C1QTNF8: variants seen among roughly 807,000 people sequenced by gnomAD.
The protein encoded by C1QTNF8 is complement C1q tumor necrosis factor-related protein 8.
A neutral mutation model predicts 19.2 loss-of-function variants in C1QTNF8; 27 were observed. That is an observed-to-expected ratio of 1.41 (90% CI 1.04 to 1.94). C1QTNF8 has a LOEUF of 1.94. Among genes scored for constraint, C1QTNF8 ranks in the 30% most tolerant of loss-of-function variants. The probability of loss-of-function intolerance (pLI) is 0.00; values close to 1 mark genes in which losing one functional copy is unlikely to be tolerated. For synonymous variants in C1QTNF8, 208 were observed against 172.8 expected, an observed-to-expected ratio of 1.20 and a Z score of -1.60; for missense variants, 484 against 374.4, an observed-to-expected ratio of 1.29 and a Z score of -2.42.
chr16:1,094,516 A>G, intron 3 of C1QTNF8, 199 bp downstream of exon 3: 1 of 503,698 alleles, frequency 2.0e-6, no homozygotes, highest in South Asian at 3.1e-5. Flanking sequence ...ACTTTGGTTC[A>G]TGGGTCCCTC....
At chr16:1,094,597 G>A (rs1960644397) in intron 3 of C1QTNF8, 118 bp downstream of exon 3, 5 of 762,284 alleles carry the variant, frequency 6.6e-6, no homozygotes, top group Non-Finnish European at 8.1e-6. Context: ...TGCCAGGGCA[G>A]ACACTGGTGC....
chr16:1,093,426 CCACACA>C, intron 4 of C1QTNF8, 65 bp downstream of exon 4: 11 of 1,007,498 alleles, frequency 1.1e-5, no homozygotes, highest in Middle Eastern at 3.5e-4. Flanking sequence ...ACACCCACCC[CCACACA>C]CACACACACA....
intron 4 of C1QTNF8, among the ~76,000 whole-genome samples, chr16:1,091,396 G>A (rs1331496094): frequency 2.0e-5 from 3 of 152,142 alleles, no homozygotes; most frequent in Non-Finnish European, 4.4e-5. Context: ...GTGCGTGGGA[G>A]GCTGGGCCGG....
intron 4 of C1QTNF8, 123 bp downstream of exon 4, chr16:1,093,374 G>GC: frequency 1.1e-5 from 2 of 180,216 alleles, no homozygotes; most frequent in Non-Finnish European, 1.0e-5. Flanking sequence ...TCCGCTGCCC[G>GC]CCCACCCCAC....
In C1QTNF8 at chr16:1,088,740, C is replaced by A. The variant is rs1036782613; in HGVS notation, c.*1859G>T. 2.1e-5 allele frequency among the ~76,000 whole-genome samples: 1 copy of A among 47,618 alleles called. No individual in the cohort carries two copies. Among genetic ancestry groups the A allele is most frequent in the South Asian group, 4.1e-4 (1 of 2,452 alleles). The allele number at this position is 47,618 out of a possible 152,430, so 31.2% of individuals were successfully genotyped here. On this transcript the variant is annotated 3_prime_UTR_variant, in exon 5 of 5. Transcript: ENST00000328449. ...GGTCGCCACTGGCATTCATTAGACA[C>A]CCCCGCCAGCTTCCAAGAGACCTTG...
intron 4 of C1QTNF8, among the ~76,000 whole-genome samples, chr16:1,092,153 G>C (rs925932624): frequency 6.6e-6 from 1 of 152,210 alleles, no homozygotes; most frequent in Non-Finnish European, 1.5e-5. Context: ...CGTCCATGTG[G>C]CTTCATGTGG....
Position 1,089,589 on chromosome 16 carries a change from T to G in C1QTNF8, c.*1010A>C, listed in dbSNP as rs1024691822. On this transcript the variant is annotated 3_prime_UTR_variant, in exon 5 of 5. Transcript: ENST00000328449. ...CTGTGTGGGGTGGGCGGGACGTGGC[T>G]GCAGCCTGGCTCTGCCTGCGTGGCA... Among the ~76,000 whole-genome samples, 4 of 152,200 alleles carry G rather than the reference T, an allele frequency of 2.6e-5. No homozygotes were observed. Among genetic ancestry groups the G allele is most frequent in the African/African-American group, 9.7e-5 (4 of 41,450 alleles).
In C1QTNF8 at chr16:1,088,281, GA is replaced by G. The variant is rs1960475627; in HGVS notation, c.*2317del. On this transcript the variant is annotated 3_prime_UTR_variant, in exon 5 of 5. Coordinates refer to ENST00000328449, the MANE Select transcript of C1QTNF8 (RefSeq NM_207419.3). ...CCACTAAACGGATAAAGTTACATGGGATAAGCTGCCTCCCCAGCCCGATGCT... is the reference window on the plus strand; with the variant it reads ...CCACTAAACGGATAAAGTTACATGGGTAAGCTGCCTCCCCAGCCCGATGCT... Among the ~76,000 whole-genome samples the G allele has an allele frequency of 6.6e-6, 1 of 152,246 alleles. No homozygotes were observed. Among genetic ancestry groups the G allele is most frequent in the South Asian group, 2.1e-4 (1 of 4,832 alleles).
intron 4 of C1QTNF8, among the ~76,000 whole-genome samples, chr16:1,091,959 C>T (rs1018462108): frequency 5.3e-5 from 8 of 152,206 alleles, no homozygotes; most frequent in Admixed American, 2.6e-4. Context: ...TTGGCAAATA[C>T]GCAATGTCGA....
Position 1,094,069 on chromosome 16 carries a change from A to C in C1QTNF8, c.209-18T>G. ...CTTCTCACCTGCAGGGGACAAACGAAAGCCACGGGTCGGGGCCGGGCTGGG... is the reference window on the plus strand; with the variant it reads ...CTTCTCACCTGCAGGGGACAAACGACAGCCACGGGTCGGGGCCGGGCTGGG... On this transcript the variant is annotated intron_variant, in intron 3 of 4. Transcript: ENST00000328449. 1 of 1,425,036 alleles carries C rather than the reference A, an allele frequency of 7.0e-7. No homozygotes were observed. The highest frequency in any genetic ancestry group is 9.1e-7 in the Non-Finnish European group (1 of 1,101,402). The allele number at this position is 1,425,036 out of a possible 1,614,324, so 88.3% of individuals were successfully genotyped here. A position where few individuals can be genotyped will look rare whatever the true frequency, so the allele number is the denominator to read the frequency against.
intron 4 of C1QTNF8, 127 bp downstream of exon 4, chr16:1,093,370 G>GGCCCCCCCCCCCCCCCCCCCCCC: frequency 2.4e-6 from 1 of 417,556 alleles, no homozygotes; most frequent in Admixed American, 4.0e-5. Context: ...AAGCTCCGCT[G>GGCCCCCCCCCCCCCCCCCCCCCC]CCCGCCCACC....
At position 1,093,621 on chromosome 16, in the gene C1QTNF8, C is replaced by T. The variant is rs768136885; in HGVS notation, c.639G>A (p.Ala213=). The T allele has an allele frequency of 1.9e-6, 3 of 1,607,040 alleles. No homozygotes were observed. Among genetic ancestry groups the T allele is most frequent in the African/African-American group, 2.7e-5 (2 of 74,758 alleles). The part of the protein sequence containing the change: ...QAQSLMLLLA[A]GDAVWVRMFQ... ...ACATGCGCACCCAGACGGCGTCGCC[C>T]GCCGCCAGCAGCAGCATCAGGCTCT... The change falls in exon 4 of 5, where the codon GCG becomes GCA. Residue 213 remains alanine, a synonymous_variant. Transcript: ENST00000328449.
In C1QTNF8 at chr16:1,088,480, G is replaced by T. The variant is rs1252110287; in HGVS notation, c.*2119C>A. Among the ~76,000 whole-genome samples, 1 of 152,178 alleles carries T rather than the reference G, an allele frequency of 6.6e-6. No individual in the cohort carries two copies. The highest frequency in any genetic ancestry group is 2.4e-5 in the African/African-American group (1 of 41,450). On this transcript the variant is annotated 3_prime_UTR_variant, in exon 5 of 5. Transcript: ENST00000328449. ...GTGGCCAGGGCAGCACGAGGCTGTC[G>T]CTGCTTTTCGTGTCTCTGGCCTCTA...
At position 1,093,930 on chromosome 16, in the gene C1QTNF8, GGC is replaced by G; in HGVS notation, c.328_329del (p.Ala110ArgfsTer264). On this transcript the variant is annotated frameshift_variant, in exon 4 of 5. Transcript: ENST00000328449. LOFTEE classifies it high-confidence loss of function. Reference sequence around the variant, plus strand: ...AGGCGGCGTAGGCACGTCGGCACGCGGCGCCCGGCGGCCCCACCTGCCCCTTC... The same window carrying G: ...AGGCGGCGTAGGCACGTCGGCACGCGGCCCGGCGGCCCCACCTGCCCCTTC... ...GQKGQVGPPG[A>X]ACRRAYAAFS... 1 of 1,500,346 alleles carries G rather than the reference GGC, an allele frequency of 6.7e-7. No homozygotes were observed. The allele number at this position is 1,500,346 out of a possible 1,614,324, so 92.9% of individuals were successfully genotyped here. A position where few individuals can be genotyped will look rare whatever the true frequency, so the allele number is the denominator to read the frequency against.
chr16:1,090,465 A>T lies in C1QTNF8; in HGVS notation c.*134T>A, dbSNP rs1341085228. ...CAGCACACACACGCGGGTTCTGCAG[A>T]CTCTGGCCGGGCCTCAGAGCACCAT... On this transcript the variant is annotated 3_prime_UTR_variant, in exon 5 of 5. Transcript: ENST00000328449. 1 of 152,148 alleles carries T rather than the reference A, an allele frequency of 6.6e-6. No homozygotes were observed. Among genetic ancestry groups the T allele is most frequent in the Non-Finnish European group, 1.5e-5 (1 of 68,118 alleles). The allele number at this position is 152,148 out of a possible 1,614,324, so 9.4% of individuals were successfully genotyped here. A position where few individuals can be genotyped will look rare whatever the true frequency, so the allele number is the denominator to read the frequency against.
chr16:1,093,893 G>C lies in C1QTNF8; in HGVS notation c.367C>G (p.Arg123Gly). 6.4e-6 allele frequency: 10 copies of C among 1,564,144 alleles called. No homozygotes were observed. Among genetic ancestry groups the C allele is most frequent in the Non-Finnish European group, 6.9e-6 (8 of 1,164,150 alleles). The change falls in exon 4 of 5, where the codon CGG (arginine) becomes GGG (glycine). Residue 123 changes from arginine to glycine, a missense_variant. Arg to Gly is a moderately radical substitution (Grantham distance 125). Coordinates refer to ENST00000328449, the MANE Select transcript of C1QTNF8 (RefSeq NM_207419.3). ...TCGGAGCTGTGCAGGCCCTCGCGCC[G>C]GCCCACGGAGAAGGCGGCGTAGGCA... Reference protein sequence around the residue: ...RRAYAAFSVGRREGLHSSDHF... With the variant: ...RRAYAAFSVGGREGLHSSDHF...
In C1QTNF8 at chr16:1,093,696, G is replaced by C. The variant is rs779789670; in HGVS notation, c.564C>G (p.Pro188=). 1.1e-5 allele frequency: 17 copies of C among 1,611,892 alleles called. No homozygotes were observed. Among genetic ancestry groups the C allele is most frequent in the Non-Finnish European group, 1.4e-5 (17 of 1,179,598 alleles). Residue 188 remains proline (P), a synonymous_variant, in exon 4 of 5, where the codon CCC becomes CCG. Transcript: ENST00000328449. ...TYLHIMLNRR[P]AAVLYAQPSE... ...TGGGCTGCGCGTAGAGCACGGCCGC[G>C]GGCCGCCGGTTCAGCATGATGTGCA...
Position 1,094,840 on chromosome 16 carries a change from T to G in C1QTNF8, c.83A>C (p.His28Pro). 1 of 1,449,168 alleles carries G rather than the reference T, an allele frequency of 6.9e-7. No individual in the cohort carries two copies. Among genetic ancestry groups the G allele is most frequent in the Non-Finnish European group, 9.1e-7 (1 of 1,099,234 alleles). The allele number at this position is 1,449,168 out of a possible 1,614,324, so 89.8% of individuals were successfully genotyped here. A position where few individuals can be genotyped will look rare whatever the true frequency, so the allele number is the denominator to read the frequency against. Reference protein sequence around the residue: ...WPGLPRRPCVHCCRPAWPPGP... With the variant: ...WPGLPRRPCVPCCRPAWPPGP... ...AGGGGGCCAGGCCGGGCGGCAGCAG[T>G]GCACACAGGGCCTCCTGGGCAGCCC... The change falls in exon 3 of 5, where the codon CAC (histidine) becomes CCC (proline). Residue 28 changes from histidine (H) to proline (P), a missense_variant. By Grantham distance (77) the His-to-Pro change is moderately conservative. Coordinates refer to ENST00000328449, the MANE Select transcript of C1QTNF8 (RefSeq NM_207419.3).
At chr16:1,093,370 G>GA in intron 4 of C1QTNF8, 127 bp downstream of exon 4, 1 of 417,556 alleles carries the variant, frequency 2.4e-6, no homozygotes, top group Non-Finnish European at 4.4e-6. Context: ...AAGCTCCGCT[G>GA]CCCGCCCACC....
Sources: gnomAD v4.1 joint callset for allele counts (sites outside exome capture counted in the v4.1 genomes callset) on GRCh38, gnomAD v4.1.1 for gene constraint, MANE v1.5 for transcripts, NCBI Gene and HGNC (gene_info 2026-07-23, HGNC 2026-07-21) for gene names.